RARB: variants seen among roughly 807,000 people sequenced by gnomAD.
The protein encoded by RARB is HBV-activated protein.
A neutral mutation model predicts 51.9 loss-of-function variants in RARB; 17 were observed. The observed-to-expected ratio is 0.33, with a 90% CI of 0.22 to 0.49. The LOEUF (loss-of-function observed/expected upper bound fraction) is 0.49. Among genes scored for constraint, RARB ranks in the 20% least tolerant of loss-of-function variants. The pLI is 0.99. For missense variants in RARB, 369 were observed against 550.8 expected (o/e 0.67, Z 3.30); for synonymous variants, 215 against 195.4 (o/e 1.10, Z -0.84).
intron 2 of RARB, among the ~76,000 whole-genome samples, chr3:25,028,171 T>C (rs1319401883): frequency 1.3e-5 from 2 of 152,280 alleles, no homozygotes; most frequent in African/African-American, 4.8e-5. Flanking sequence ...ACCAGCAATG[T>C]CTCCTGGAAA....
intron 3 of RARB, among the ~76,000 whole-genome samples, chr3:25,131,688 A>G (rs915279565): frequency 6.6e-6 from 1 of 151,974 alleles, no homozygotes; most frequent in African/African-American, 2.4e-5. Flanking sequence ...ATCAAGGCGG[A>G]GAGAGAGTGA....
intron 5 of RARB, among the ~76,000 whole-genome samples, chr3:25,252,601 G>A (rs1009333038): frequency 2.0e-5 from 3 of 151,980 alleles, no homozygotes; most frequent in African/African-American, 7.3e-5. Flanking sequence ...TATTGTTTTG[G>A]TTGCTATTAC....
At chr3:25,251,133 T>C (rs1208060377) in intron 5 of RARB, among the ~76,000 whole-genome samples, 1 of 152,182 alleles carries the variant, frequency 6.6e-6, no homozygotes, top group African/African-American at 2.4e-5. Flanking sequence ...ACCTTGAATA[T>C]GCATTCTTGA....
At chr3:25,123,669 T>G (rs1699817863) in intron 3 of RARB, among the ~76,000 whole-genome samples, 1 of 152,196 alleles carries the variant, frequency 6.6e-6, no homozygotes, top group Non-Finnish European at 1.5e-5. Context: ...ATCTCTTTCT[T>G]GTAATAGCTC....
intron 5 of RARB, among the ~76,000 whole-genome samples, chr3:25,305,608 C>T (rs868755631): frequency 6.6e-6 from 1 of 152,152 alleles, no homozygotes; most frequent in African/African-American, 2.4e-5. Context: ...TAGAATCACC[C>T]CTGCCCCACA....
chr3:25,094,915 G>T (rs561912760), intron 3 of RARB, among the ~76,000 whole-genome samples: 3 of 151,802 alleles, frequency 2.0e-5, no homozygotes, highest in Admixed American at 6.6e-5. Flanking sequence ...TTTCACTTTC[G>T]TTTGATGTAT....
chr3:25,594,470 A>G, intron 6 of RARB, 50 bp from the exon 7 acceptor site: 3 of 1,519,668 alleles, frequency 2.0e-6, no homozygotes, highest in South Asian at 1.3e-5. Context: ...GGAAGAGGGG[A>G]AAAGGGCATA....
chr3:24,907,834 TAA>T (rs1256513372), intron 2 of RARB, among the ~76,000 whole-genome samples: 1 of 152,136 alleles, frequency 6.6e-6, no homozygotes, highest in Non-Finnish European at 1.5e-5. Flanking sequence ...GAAATGAACT[TAA>T]TATATTACCA....
intron 5 of RARB, among the ~76,000 whole-genome samples, chr3:25,362,537 A>G (rs968662411): frequency 6.6e-6 from 1 of 152,162 alleles, no homozygotes; most frequent in African/African-American, 2.4e-5. Flanking sequence ...ATACTTCTGC[A>G]GCTAGCTCGG....
At chr3:24,890,626 G>C (rs981240888) in intron 2 of RARB, among the ~76,000 whole-genome samples, 1 of 152,132 alleles carries the variant, frequency 6.6e-6, no homozygotes, top group Non-Finnish European at 1.5e-5. Context: ...ACTTTGTCAT[G>C]TTTTCAATTG....
chr3:24,892,160 C>T (rs761696401), intron 2 of RARB, among the ~76,000 whole-genome samples: 2 of 151,254 alleles, frequency 1.3e-5, no homozygotes, highest in East Asian at 2.0e-4. Flanking sequence ...TCAAGGACCC[C>T]GACTCATCCA....
intron 2 of RARB, among the ~76,000 whole-genome samples, chr3:24,887,721 T>C (rs2125361474): frequency 6.6e-6 from 1 of 152,316 alleles, no homozygotes; most frequent in Non-Finnish European, 1.5e-5. Context: ...TCTTAAATTA[T>C]CTTTTTCCTT....
At chr3:25,168,654 A>G (rs538253584) in intron 4 of RARB, among the ~76,000 whole-genome samples, 15 of 152,242 alleles carry the variant, frequency 9.9e-5, no homozygotes, top group South Asian at 2.1e-4. Flanking sequence ...AAATGTAAAA[A>G]TCAATAGAAT....
At chr3:25,294,739 C>T (rs1703877877) in intron 5 of RARB, among the ~76,000 whole-genome samples, 1 of 134,886 alleles carries the variant, frequency 7.4e-6, no homozygotes, top group Admixed American at 7.1e-5. Context: ...TCCTAGAAGT[C>T]ATTTGGCAAT....
intron 3 of RARB, among the ~76,000 whole-genome samples, chr3:25,537,896 A>G (rs967074997): frequency 1.3e-5 from 2 of 152,146 alleles, no homozygotes; most frequent in African/African-American, 4.8e-5. Flanking sequence ...TTGTTGTTGC[A>G]TGGAAGTCAG....
intron 2 of RARB, among the ~76,000 whole-genome samples, chr3:24,921,595 C>T (rs1297892841): frequency 3.3e-5 from 5 of 152,068 alleles, no homozygotes; most frequent in Admixed American, 3.3e-4. Context: ...TTCTTTTCTG[C>T]TTCTTATCTC....
At chr3:25,389,526 A>G (rs1323067202) in intron 5 of RARB, among the ~76,000 whole-genome samples, 2 of 152,194 alleles carry the variant, frequency 1.3e-5, no homozygotes, top group African/African-American at 2.4e-5. Context: ...ATTAAACTAC[A>G]GTAATACATG....
rs115156670 is a variant in RARB, at chr3:24,897,631, C to T, written c.-380+38879C>T. ...AATACTTGATACAATGATAACTTTA[C>T]GTGGTGGTTATTCTTTTTCTAGGCC... On this transcript the variant is annotated intron_variant, in intron 2 of 11. Transcript: ENST00000383772. Among the ~76,000 whole-genome samples the T allele has an allele frequency of 3.4e-3, 521 of 152,188 alleles. 5 individuals carry two copies. Among genetic ancestry groups the T allele is most frequent in the African/African-American group, 0.012 (496 of 41,536 alleles).
intron 5 of RARB, among the ~76,000 whole-genome samples, chr3:25,320,706 A>G (rs571853776): frequency 6.6e-6 from 1 of 152,322 alleles, no homozygotes; most frequent in East Asian, 1.9e-4. Context: ...TCATGTTAAC[A>G]TACCTCTCAA....
Sources: allele counts gnomAD v4.1 joint callset (sites outside exome capture counted in the v4.1 genomes callset), GRCh38; gene constraint gnomAD v4.1.1; transcripts MANE v1.5; gene names NCBI Gene and HGNC (gene_info 2026-07-23, HGNC 2026-07-21).